Variants in KIAA0586 observed in about 807,000 individuals in gnomAD.
The protein encoded by KIAA0586 is protein TALPID3.
KIAA0586 carries 144 observed loss-of-function variants against 169.8 expected under a neutral mutation model. The ratio of observed to expected loss-of-function variants is 0.85; its 90% CI spans 0.74 to 0.97. The LOEUF is 0.97. Among genes scored for constraint, KIAA0586 ranks in the 50% least tolerant of loss-of-function variants. The pLI is 0.00. For synonymous variants in KIAA0586, 625 were observed against 612.4 expected, an observed-to-expected ratio of 1.02 and a Z score of -0.30; for missense variants, 1,854 against 1,823.0, an observed-to-expected ratio of 1.02 and a Z score of -0.31.
intron 6 of KIAA0586, among the ~76,000 whole-genome samples, chr14:58,447,091 A>G (rs144808994): frequency 2.0e-4 from 31 of 152,354 alleles, no homozygotes; most frequent in African/African-American, 6.3e-4. Flanking sequence ...TGTCTTACTT[A>G]TAAAGCTTAT....
intron 26 of KIAA0586, among the ~76,000 whole-genome samples, chr14:58,496,959 G>A (rs1743700): frequency 0.98 from 148,231 of 151,752 alleles, 72,493 homozygotes; most frequent in Non-Finnish European, 1. Flanking sequence ...TTATTTCATA[G>A]ATTTCATTTA....
intron 29 of KIAA0586, chr14:58,520,816 G>T: frequency 6.4e-6 from 1 of 157,442 alleles, no homozygotes; most frequent in Non-Finnish European, 1.4e-5. Context: ...GTGAGCCACC[G>T]CACCTGGCAA....
chr14:58,429,328 T>G (rs905884343), intron 1 of KIAA0586, 35 bp from the exon 2 acceptor site: 2 of 1,310,582 alleles, frequency 1.5e-6, no homozygotes, highest in African/African-American at 2.9e-5. Flanking sequence ...GATCTGATTT[T>G]AAAATCACTA....
upstream of KIAA0586, chr14:58,427,626 T>A (rs775088664): frequency 6.5e-7 from 1 of 1,535,568 alleles, no homozygotes; most frequent in South Asian, 1.2e-5. Flanking sequence ...GCTTTCTGGT[T>A]GGATGTTTTG....
In KIAA0586 at chr14:58,442,915, T is replaced by C. The variant is rs771708023; in HGVS notation, c.585+35T>C. The C allele has an allele frequency of 2.0e-5, 30 of 1,495,504 alleles. No individual in the cohort carries two copies. The South Asian group carries it at 3.6e-4, about 18-fold the overall frequency. 92.6% of individuals were successfully genotyped at this position (1,495,504 alleles called of 1,614,324 possible). A position where few individuals can be genotyped will look rare whatever the true frequency, so the allele number is the denominator to read the frequency against. On this transcript the variant is annotated intron_variant, in intron 5 of 30. Coordinates refer to ENST00000652326, the MANE Select transcript of KIAA0586 (RefSeq NM_001329943.3). ...TCTTCCCAGATAATCATAACTACTT[T>C]GTGAAATATAGAAGTACTTACTAAG...
At chr14:58,505,999 T>C (rs1360914616) in intron 27 of KIAA0586, among the ~76,000 whole-genome samples, 1 of 152,166 alleles carries the variant, frequency 6.6e-6, no homozygotes, top group African/African-American at 2.4e-5. Context: ...CTTTTATCTA[T>C]TTATCTGTTA....
chr14:58,444,955 T>C (rs572028406), intron 6 of KIAA0586, among the ~76,000 whole-genome samples: 9 of 143,990 alleles, frequency 6.3e-5, no homozygotes, highest in Non-Finnish European at 1.1e-4. Flanking sequence ...TAGCCTGGCA[T>C]GGTGGCATGT....
intron 30 of KIAA0586, among the ~76,000 whole-genome samples, chr14:58,546,467 C>T (rs2046990520): frequency 6.6e-6 from 1 of 152,084 alleles, no homozygotes; most frequent in African/African-American, 2.4e-5. Context: ...ACTTGAAAAA[C>T]ATAAAGGGAT....
intron 20 of KIAA0586, 134 bp from the exon 21 acceptor site, chr14:58,482,379 T>C (rs985227139): frequency 3.3e-5 from 20 of 608,714 alleles, no homozygotes; most frequent in African/African-American, 3.1e-4. Flanking sequence ...TGAGCCAAGA[T>C]CACATCATTG....
rs952658710 is a variant in KIAA0586 at position 58,536,995 on chromosome 14, T to C, written c.4430-3076T>C. Reference sequence around the variant, plus strand: ...TTTTGACTTCAATACCAGTATTATGTTTTTTTTTCAGTTTTGATCAGCAGG... The same window carrying C: ...TTTTGACTTCAATACCAGTATTATGCTTTTTTTTCAGTTTTGATCAGCAGG... On this transcript the variant is annotated intron_variant, in intron 29 of 30. Coordinates refer to ENST00000652326, the MANE Select transcript of KIAA0586 (RefSeq NM_001329943.3). 2.4e-6 allele frequency: 3 copies of C among 1,262,892 alleles called. No individual in the cohort carries two copies. In the African/African-American group the frequency reaches 4.6e-5, roughly 20 times the overall value. The allele number at this position is 1,262,892 out of a possible 1,614,324, so 78.2% of individuals were successfully genotyped here. A position where few individuals can be genotyped will look rare whatever the true frequency, so the allele number is the denominator to read the frequency against.
In KIAA0586 at chr14:58,428,238, T is replaced by C; in HGVS notation, c.-27T>C. 5 of 1,607,986 alleles carry C rather than the reference T, an allele frequency of 3.1e-6. No homozygotes were observed. The highest frequency in any genetic ancestry group is 4.2e-6 in the Non-Finnish European group (5 of 1,177,208). On this transcript the variant is annotated 5_prime_UTR_variant, in exon 1 of 31. Coordinates refer to ENST00000652326, the MANE Select transcript of KIAA0586 (RefSeq NM_001329943.3). ...CAGAGAAAGTTTTTCCGTCCTTAAGTGTGGGACTTGTTTTGTGACCAACAA... is the reference window on the plus strand; with the variant it reads ...CAGAGAAAGTTTTTCCGTCCTTAAGCGTGGGACTTGTTTTGTGACCAACAA...
chr14:58,498,120 G>A (rs912022407), intron 26 of KIAA0586, among the ~76,000 whole-genome samples: 6 of 151,740 alleles, frequency 4.0e-5, no homozygotes, highest in East Asian at 3.9e-4. Context: ...CTTGTGATCC[G>A]CCGCCTCGGC....
chr14:58,437,060 AG>A (rs1237529254), intron 4 of KIAA0586, among the ~76,000 whole-genome samples: 3 of 152,230 alleles, frequency 2.0e-5, no homozygotes, highest in South Asian at 2.1e-4. Context: ...GAAGAGGGCT[AG>A]ACTATAGTCC....
chr14:58,522,470 C>G (rs2045294785), intron 29 of KIAA0586, among the ~76,000 whole-genome samples: 1 of 152,170 alleles, frequency 6.6e-6, no homozygotes. Flanking sequence ...AACACAAATG[C>G]AACAACGTAG....
chr14:58,486,996 A>G lies in KIAA0586; in HGVS notation c.3145-11A>G. On this transcript the variant is annotated splice_polypyrimidine_tract_variant and intron_variant, in intron 21 of 30. Transcript: ENST00000652326. Reference sequence around the variant, plus strand: ...TTATAAACACAGTTTATCTTGTTTTATTTATTTTAGGCAAGAGTGTGCACC... The same window carrying G: ...TTATAAACACAGTTTATCTTGTTTTGTTTATTTTAGGCAAGAGTGTGCACC... 1.3e-6 allele frequency: 2 copies of G among 1,580,612 alleles called. No homozygotes were observed. Among genetic ancestry groups the G allele is most frequent in the Non-Finnish European group, 8.6e-7 (1 of 1,165,856 alleles).
intron 29 of KIAA0586, among the ~76,000 whole-genome samples, chr14:58,523,547 C>T (rs189853631): frequency 3.3e-5 from 5 of 152,036 alleles, no homozygotes; most frequent in Non-Finnish European, 7.4e-5. Context: ...ACAGCTATTA[C>T]AAATAATTTA....
rs555180691 is a variant in KIAA0586 at position 58,498,365 on chromosome 14, A to G, written c.3991-418A>G. ...TAATTTTTGTATTTTTTGTCGAGAC[A>G]GGGTTTCGCCATGTTGCCTAGGCTG... On this transcript the variant is annotated intron_variant, in intron 26 of 30. Transcript: ENST00000652326. Among the ~76,000 whole-genome samples the G allele has an allele frequency of 2.6e-5, 4 of 151,520 alleles. 1 individual carries two copies.
rs538991108 is a variant in KIAA0586, at chr14:58,461,277, C to T, written c.2059+117C>T. On this transcript the variant is annotated intron_variant, in intron 14 of 30. Transcript: ENST00000652326. ...TACGTGCCATTCAAGTTATATGATG[C>T]TTGGGGATGGAAAAATAATTCCTCT... The T allele has an allele frequency of 2.6e-4, 159 of 605,606 alleles. No individual in the cohort carries two copies. The South Asian group carries it at 3.9e-3, about 15-fold the overall frequency. The allele number at this position is 605,606 out of a possible 1,614,324, so 37.5% of individuals were successfully genotyped here. A position where few individuals can be genotyped will look rare whatever the true frequency, so the allele number is the denominator to read the frequency against.
intron 14 of KIAA0586, chr14:58,464,245 C>A: frequency 3.3e-6 from 1 of 299,788 alleles, no homozygotes; most frequent in Non-Finnish European, 6.4e-6. Context: ...CTTTTTTCAG[C>A]TAACTACTGT....
Sources: gnomAD v4.1 joint callset for allele counts (sites outside exome capture counted in the v4.1 genomes callset) on GRCh38, gnomAD v4.1.1 for gene constraint, MANE v1.5 for transcripts, NCBI Gene and HGNC (gene_info 2026-07-23, HGNC 2026-07-21) for gene names.